Variants in EYS observed in about 807,000 individuals in gnomAD.
EYS encodes the protein EGF-like photoreceptor maintenance factor, also known as protein eyes shut homolog.
EYS carries 250 observed loss-of-function variants against 282.1 expected under a neutral mutation model. The ratio of observed to expected loss-of-function variants is 0.89; its 90% CI spans 0.80 to 0.98. The LOEUF is 0.98. Among genes scored for constraint, EYS ranks in the 50% least tolerant of loss-of-function variants. EYS has a pLI of 0.00. For synonymous variants in EYS, 1,355 were observed against 1,282.9 expected (o/e 1.06, Z -1.20); for missense variants, 4,016 against 3,709.0 (o/e 1.08, Z -2.15).
chr6:65,234,808 C>A (rs1766882937), intron 12 of EYS, among the ~76,000 whole-genome samples: 1 of 152,104 alleles, frequency 6.6e-6, no homozygotes, highest in Non-Finnish European at 1.5e-5. Flanking sequence ...CAAAGAGAAA[C>A]AATCTCATTA....
chr6:64,848,111 G>A (rs1765772123), intron 19 of EYS, among the ~76,000 whole-genome samples: 1 of 151,890 alleles, frequency 6.6e-6, no homozygotes, highest in Admixed American at 6.6e-5. Context: ...ACAACCCTCT[G>A]TCTACTGCCC....
chr6:65,128,001 G>T (rs1775768562), intron 12 of EYS, among the ~76,000 whole-genome samples: 1 of 151,894 alleles, frequency 6.6e-6, no homozygotes, highest in African/African-American at 2.4e-5. Flanking sequence ...CATGATGAAA[G>T]ATCCCAAAAT....
At chr6:64,644,930 G>A (rs1768297558) in intron 22 of EYS, among the ~76,000 whole-genome samples, 1 of 152,146 alleles carries the variant, frequency 6.6e-6, no homozygotes, top group African/African-American at 2.4e-5. Flanking sequence ...CAGCATGTCA[G>A]CTTCCTGAAC....
chr6:65,295,759 CCAAT>C, intron 12 of EYS, 100 bp downstream of exon 12: 1 of 997,052 alleles, frequency 1.0e-6, no homozygotes, highest in Non-Finnish European at 1.5e-6. Flanking sequence ...GACAACAATA[CCAAT>C]CAATAGACAC....
intron 19 of EYS, among the ~76,000 whole-genome samples, chr6:64,869,955 G>T (rs748474014): frequency 4.6e-5 from 7 of 151,478 alleles, no homozygotes; most frequent in Non-Finnish European, 1.0e-4. Flanking sequence ...ATACAAAAAA[G>T]AGATGGCTAT....
chr6:64,237,101 A>T (rs1766634173), intron 30 of EYS, among the ~76,000 whole-genome samples: 1 of 152,178 alleles, frequency 6.6e-6, no homozygotes, highest in South Asian at 2.1e-4. Flanking sequence ...ACTTATACCA[A>T]TAATTTCTTT....
At chr6:65,438,336 T>C (rs1195586673) in intron 5 of EYS, among the ~76,000 whole-genome samples, 2 of 152,148 alleles carry the variant, frequency 1.3e-5, no homozygotes, top group Non-Finnish European at 2.9e-5. Context: ...TGTGTCTTTA[T>C]AGCAGCATGA....
At chr6:65,238,964 G>A (rs1404216630) in intron 12 of EYS, among the ~76,000 whole-genome samples, 1 of 151,948 alleles carries the variant, frequency 6.6e-6, no homozygotes, top group Admixed American at 6.6e-5. Flanking sequence ...AAGAATGATA[G>A]GATGACAAAC....
intron 33 of EYS, among the ~76,000 whole-genome samples, chr6:64,023,416 C>A (rs778377571): frequency 4.6e-5 from 7 of 152,162 alleles, no homozygotes; most frequent in Admixed American, 1.3e-4. Flanking sequence ...TTAGAGCAAC[C>A]ATTAAACTGT....
At chr6:64,884,284 TC>T (rs1767014659) in intron 19 of EYS, among the ~76,000 whole-genome samples, 1 of 151,622 alleles carries the variant, frequency 6.6e-6, no homozygotes, top group Admixed American at 6.6e-5. Context: ...ATTTTAACTT[TC>T]CTCTCTATCA....
chr6:65,330,701 C>A, intron 11 of EYS: 2 of 945,268 alleles, frequency 2.1e-6, no homozygotes, highest in Non-Finnish European at 2.5e-6. Flanking sequence ...CATTATAATA[C>A]TATCATTATT....
At chr6:64,380,873 G>C (rs961912626) in intron 29 of EYS, among the ~76,000 whole-genome samples, 9 of 152,156 alleles carry the variant, frequency 5.9e-5, no homozygotes, top group Non-Finnish European at 1.2e-4. Context: ...AAAGCAGCCA[G>C]GAGTGGTGGT....
intron 15 of EYS, among the ~76,000 whole-genome samples, chr6:64,924,270 G>T (rs1255299506): frequency 1.3e-5 from 2 of 152,132 alleles, no homozygotes; most frequent in Non-Finnish European, 2.9e-5. Context: ...CTGTACTTTG[G>T]TCACTTTCAG....
chr6:65,312,893 G>A (rs915388122), intron 11 of EYS, among the ~76,000 whole-genome samples: 3 of 151,990 alleles, frequency 2.0e-5, no homozygotes, highest in African/African-American at 7.3e-5. Flanking sequence ...TCTTTAGGAG[G>A]GAGCTTTCAT....
intron 41 of EYS, among the ~76,000 whole-genome samples, chr6:63,748,637 G>T: frequency 6.6e-6 from 1 of 151,966 alleles, no homozygotes. Flanking sequence ...TGGTTGGTAG[G>T]CTAGTTATTA....
chr6:64,792,368 T>A (rs12662692), intron 22 of EYS, among the ~76,000 whole-genome samples: 1 of 151,870 alleles, frequency 6.6e-6, no homozygotes, highest in African/African-American at 2.4e-5. Flanking sequence ...TAGACATTTA[T>A]AAATATTAAA....
chr6:65,096,885 CTT>C (rs1774754957), intron 12 of EYS, among the ~76,000 whole-genome samples: 1 of 150,974 alleles, frequency 6.6e-6, no homozygotes, highest in South Asian at 2.1e-4. Context: ...GTTCTTGAAA[CTT>C]TAAAACTCTT....
intron 26 of EYS, among the ~76,000 whole-genome samples, chr6:64,578,415 T>C (rs75956749): frequency 0.028 from 4,188 of 152,132 alleles, 124 homozygotes; most frequent in East Asian, 0.11. Flanking sequence ...CTGTGGGCTT[T>C]TCTTCTCCCC....
chr6:65,344,557 C>A (rs1770324927), intron 9 of EYS, among the ~76,000 whole-genome samples: 1 of 151,464 alleles, frequency 6.6e-6, no homozygotes, highest in Admixed American at 6.6e-5. Flanking sequence ...AAAGAAGTGA[C>A]CTATATTCAA....
Sources: allele counts gnomAD v4.1 joint callset (sites outside exome capture counted in the v4.1 genomes callset), GRCh38; gene constraint gnomAD v4.1.1; transcripts MANE v1.5; gene names NCBI Gene and HGNC (gene_info 2026-07-23, HGNC 2026-07-21).